The following GRM4 variants were observed in gnomAD, a reference collection of about 807,000 sequenced individuals.
The protein encoded by GRM4 is metabotropic glutamate receptor 4.
GRM4 carries 28 observed loss-of-function variants against 81.7 expected under a neutral mutation model. The ratio of observed to expected loss-of-function variants is 0.34; its 90% confidence interval spans 0.25 to 0.47. The LOEUF (loss-of-function observed/expected upper bound fraction) is 0.47. Among genes scored for constraint, GRM4 ranks in the 20% least tolerant of loss-of-function variants. The pLI, the probability that GRM4 is intolerant of heterozygous loss-of-function variation, is 1.00. For synonymous variants in GRM4, 488 were observed against 528.8 expected, an observed-to-expected ratio of 0.92 and a Z score of 1.06; for missense variants, 948 against 1,290.0, an observed-to-expected ratio of 0.73 and a Z score of 4.06.
In GRM4 at chr6:34,028,289, G is replaced by A. The variant is rs771013738; in HGVS notation, c.2520C>T (p.Pro840=). The change falls in exon 10 of 11, where the codon CCC becomes CCT. Residue 840 remains proline, a synonymous_variant. Transcript: ENST00000538487. ...GGTGGAAGAGGATGATGTAGACTTT[G>A]GGCATGTAGAGCATTCCCAGGGACA... ...ASVSLGMLYM[P]KVYIILFHPE... 5 of 1,613,830 alleles carry A rather than the reference G, an allele frequency of 3.1e-6. No homozygotes were observed. The highest frequency in any genetic ancestry group is 4.2e-6 in the Non-Finnish European group (5 of 1,180,016).
chr6:34,067,362 TTCCTTCGCTCCCTCCCTCCG>T (rs1284557107), intron 3 of GRM4, among the ~76,000 whole-genome samples: 22 of 147,172 alleles, frequency 1.5e-4, no homozygotes, highest in Non-Finnish European at 3.0e-4. Context: ...TCCTTCCTCC[TTCCTTCGCTCCCTCCCTCCG>T]TCCTTCCCTC....
Position 34,048,883 on chromosome 6 carries a change from G to A in GRM4, c.1168+7661C>T, listed in dbSNP as rs1185847900. Among the ~76,000 whole-genome samples, 1 of 152,060 alleles carries A rather than the reference G, an allele frequency of 6.6e-6. No homozygotes were observed. The highest frequency in any genetic ancestry group is 1.5e-5 in the Non-Finnish European group (1 of 68,018). ...CTGAGGCCTCCCAGTCGCGCTTCCT[G>A]TACAGCCTGCAGAACTGTGAGCCAA... On this transcript the variant is annotated intron_variant, in intron 6 of 10. Coordinates refer to ENST00000538487, the MANE Select transcript of GRM4 (RefSeq NM_000841.4). The surrounding 1 kb of genome is among the most constrained non-coding windows in gnomAD (Gnocchi z 4.0).
At chr6:34,120,988 C>T (rs1371606795) in intron 2 of GRM4, among the ~76,000 whole-genome samples, 3 of 152,058 alleles carry the variant, frequency 2.0e-5, no homozygotes, top group Non-Finnish European at 4.4e-5. Context: ...ATTATATTAT[C>T]CTCTATAATT....
intron 9 of GRM4, among the ~76,000 whole-genome samples, chr6:34,033,195 A>G (rs1355676405): frequency 6.6e-6 from 1 of 152,164 alleles, no homozygotes; most frequent in Admixed American, 6.5e-5. Flanking sequence ...TCAGGCTTGC[A>G]AGGTGGGATC....
intron 3 of GRM4, 164 bp downstream of exon 3, chr6:34,091,719 A>G (rs1303864389): frequency 3.3e-6 from 2 of 610,020 alleles, no homozygotes; most frequent in East Asian, 5.5e-5. Context: ...CAGTGAGGCC[A>G]TGGACCAAAC....
chr6:34,042,799 G>A lies in GRM4; in HGVS notation c.1169-2051C>T, dbSNP rs190138170. The stretch of plus-strand genomic sequence containing the variant: ...CCTGAAGGCAGACCCAGGGTGCAGG[G>A]GATCTCACTGCCTCTCCCTGAGGCA... On this transcript the variant is annotated intron_variant, in intron 6 of 10. Transcript: ENST00000538487. This position sits in a 1 kb window ranked among gnomAD's most constrained non-coding sequence, Gnocchi z 4.2. Among the ~76,000 whole-genome samples, 3 of 152,060 alleles carry A rather than the reference G, an allele frequency of 2.0e-5. No homozygotes were observed. Among genetic ancestry groups the A allele is most frequent in the Non-Finnish European group, 4.4e-5 (3 of 67,990 alleles).
At chr6:34,124,256 G>A (rs912515398) in intron 2 of GRM4, among the ~76,000 whole-genome samples, 8 of 152,134 alleles carry the variant, frequency 5.3e-5, no homozygotes, top group South Asian at 4.1e-4. Context: ...GTCTCTGCAC[G>A]TGTTACTGCC....
chr6:34,123,535 G>C (rs935698336), intron 2 of GRM4, among the ~76,000 whole-genome samples: 3 of 152,088 alleles, frequency 2.0e-5, no homozygotes, highest in South Asian at 2.1e-4. Context: ...TGAGATGAGC[G>C]AGGTCCAGGA....
In GRM4 at chr6:34,152,111, G is replaced by A. The variant is rs1230637561; in HGVS notation, c.312+2968C>T. ...GATCGGCAGTTGAGAATACCAGGTG[G>A]GCCCCTCTGTCAATGTCCCCCTACC... On this transcript the variant is annotated intron_variant, in intron 1 of 8. Coordinates refer to the GRM4 transcript ENST00000374177. This position sits in a 1 kb window ranked among gnomAD's most constrained non-coding sequence, Gnocchi z 4.1. 6.6e-6 allele frequency among the ~76,000 whole-genome samples: 1 copy of A among 152,058 alleles called. No homozygotes were observed. Among genetic ancestry groups the A allele is most frequent in the Non-Finnish European group, 1.5e-5 (1 of 68,008 alleles).
chr6:34,127,519 G>A (rs1770067959), intron 2 of GRM4, among the ~76,000 whole-genome samples: 1 of 152,184 alleles, frequency 6.6e-6, no homozygotes, highest in Non-Finnish European at 1.5e-5. Context: ...TAAGAGCAAC[G>A]GGAAGCCAAT....
At chr6:34,131,331 T>A (rs1489745947) in intron 2 of GRM4, among the ~76,000 whole-genome samples, 3 of 152,320 alleles carry the variant, frequency 2.0e-5, no homozygotes, top group Admixed American at 6.5e-5. Context: ...CATAAAAAAA[T>A]AAAAAACAAA....
At chr6:34,134,904 G>A (rs374755175) in intron 1 of GRM4, among the ~76,000 whole-genome samples, 5 of 152,082 alleles carry the variant, frequency 3.3e-5, no homozygotes, top group Non-Finnish European at 5.9e-5. Flanking sequence ...ATTTCCCCCC[G>A]GGGTTACTTC....
At chr6:34,076,663 A>C (rs1767328434) in intron 3 of GRM4, among the ~76,000 whole-genome samples, 1 of 146,152 alleles carries the variant, frequency 6.8e-6, no homozygotes, top group Non-Finnish European at 1.5e-5. Flanking sequence ...AGCCTCACCC[A>C]GGGCAGCAGG....
Position 34,133,768 on chromosome 6 carries a change from C to T in GRM4, c.-272G>A, listed in dbSNP as rs146238513. ...TTGTCCCGTCCTGCAGGCCTGTTCT[C>T]GGTGGATGACTGTGGAAAGGGCAGA... On this transcript the variant is annotated 5_prime_UTR_variant, in exon 2 of 11. Coordinates refer to ENST00000538487, the MANE Select transcript of GRM4 (RefSeq NM_000841.4). The surrounding 1 kb of genome is among the most constrained non-coding windows in gnomAD (Gnocchi z 6.5). The T allele has an allele frequency of 6.3e-5, 77 of 1,218,618 alleles. 1 individual carries two copies. In the East Asian group the frequency reaches 2.2e-3, roughly 35 times the overall value. 75.5% of individuals were successfully genotyped at this position (1,218,618 alleles called of 1,614,324 possible).
chr6:34,088,727 A>C (rs1768043548), intron 3 of GRM4, among the ~76,000 whole-genome samples: 1 of 152,202 alleles, frequency 6.6e-6, no homozygotes. Context: ...TCCCATCTGC[A>C]AAATGGGAAA....
At chr6:34,104,423 C>T (rs1458174077) in intron 2 of GRM4, among the ~76,000 whole-genome samples, 1 of 152,224 alleles carries the variant, frequency 6.6e-6, no homozygotes. Context: ...CCAAGCACTT[C>T]GTGTGGATTA....
intron 1 of GRM4, among the ~76,000 whole-genome samples, chr6:34,151,705 G>A (rs915344498): frequency 1.1e-4 from 5 of 46,592 alleles, no homozygotes; most frequent in Admixed American, 4.5e-4. Flanking sequence ...TGCCCACCCC[G>A]CCCCCACCCC....
Position 34,035,813 on chromosome 6 carries a change from G to A in GRM4, c.2297C>T (p.Thr766Met), listed in dbSNP as rs1764669920. 2 of 1,613,854 alleles carry A rather than the reference G, an allele frequency of 1.2e-6. No homozygotes were observed. The highest frequency in any genetic ancestry group is 1.7e-6 in the Non-Finnish European group (2 of 1,179,742). Residue 766 changes from threonine (T) to methionine (M), a missense_variant, in exon 9 of 11, where the codon ACG becomes ATG. Physicochemically the swap from Thr to Met is moderately conservative, Grantham distance 81. Coordinates refer to ENST00000538487, the MANE Select transcript of GRM4 (RefSeq NM_000841.4). This position sits in a 1 kb window ranked among gnomAD's most constrained non-coding sequence, Gnocchi z 6.6. ...TGTCTTGATGGCATACACGGTGCACGTGACCATGAGCAGCATGCTGTAGCC... is the reference window on the plus strand; with the variant it reads ...TGTCTTGATGGCATACACGGTGCACATGACCATGAGCAGCATGCTGTAGCC... ...LLGYSMLLMVTCTVYAIKTRG... is the reference protein window; with the variant it reads ...LLGYSMLLMVMCTVYAIKTRG...
chr6:34,059,559 A>C lies in GRM4; in HGVS notation c.873-431T>G. The C allele has an allele frequency of 4.9e-6, 1 of 204,052 alleles. No individual in the cohort carries two copies. Among genetic ancestry groups the C allele is most frequent in the Non-Finnish European group, 1.0e-5 (1 of 99,762 alleles). The allele number at this position is 204,052 out of a possible 1,614,324, so 12.6% of individuals were successfully genotyped here. ...TTGCCCATTCTCACACGCATCCACC[A>C]TCACACAACCGCCGCCCTCACCCCT... On this transcript the variant is annotated intron_variant, in intron 4 of 10. Transcript: ENST00000538487. The surrounding 1 kb of genome is among the most constrained non-coding windows in gnomAD (Gnocchi z 5.7).
Sources: allele counts gnomAD v4.1 joint callset (sites outside exome capture counted in the v4.1 genomes callset), GRCh38; gene constraint gnomAD v4.1.1; non-coding constraint Gnocchi (gnomAD v3.1); transcripts MANE v1.5; gene names NCBI Gene and HGNC (gene_info 2026-07-23, HGNC 2026-07-21).